BANF2: variants seen among roughly 807,000 people sequenced by gnomAD.
The protein encoded by BANF2 is barrier-to-autointegration factor-like protein.
Under a neutral mutation model 8.0 loss-of-function variants are expected in BANF2, and 4 were observed. The ratio of observed to expected loss-of-function variants is 0.50; its 90% CI spans 0.25 to 1.14. The LOEUF (loss-of-function observed/expected upper bound fraction) is 1.14. BANF2 is among the 50% of genes most tolerant of loss of function. BANF2 has a pLI of 0.16. For synonymous variants in BANF2, 50 were observed against 40.6 expected (o/e 1.23, Z -0.88); for missense variants, 96 against 107.5 (o/e 0.89, Z 0.47).
At chr20:17,710,019 C>T (rs1319053157) in intron 1 of BANF2, among the ~76,000 whole-genome samples, 1 of 152,256 alleles carries the variant, frequency 6.6e-6, no homozygotes, top group Admixed American at 6.5e-5. Flanking sequence ...TGAGCAGTTA[C>T]TGCCATGAGC....
chr20:17,719,874 G>A lies in BANF2; in HGVS notation c.-166-2842G>A, dbSNP rs373378534. On this transcript the variant is annotated intron_variant, in intron 1 of 3. Coordinates refer to ENST00000246090, the MANE Select transcript of BANF2 (RefSeq NM_178477.5). ...GCATGTGCCATATGGCAGCACAGACGCTGCAGATCCCCCCGCAAAGGCCCA... is the reference window on the plus strand; with the variant it reads ...GCATGTGCCATATGGCAGCACAGACACTGCAGATCCCCCCGCAAAGGCCCA... 3.3e-5 allele frequency among the ~76,000 whole-genome samples: 5 copies of A among 152,124 alleles called. No individual in the cohort carries two copies. The East Asian group carries it at 7.7e-4, about 24-fold the overall frequency.
At chr20:17,709,020 T>C (rs943866498) in intron 1 of BANF2, among the ~76,000 whole-genome samples, 1 of 152,236 alleles carries the variant, frequency 6.6e-6, no homozygotes, top group Non-Finnish European at 1.5e-5. Context: ...GATAATGCAA[T>C]CAATGAAAGC....
intron 1 of BANF2, among the ~76,000 whole-genome samples, chr20:17,707,919 G>A (rs779588551): frequency 3.8e-4 from 57 of 151,714 alleles, no homozygotes; most frequent in Non-Finnish European, 7.2e-4. Flanking sequence ...ACTTGACTAC[G>A]GGCTGGACAC....
At position 17,712,066 on chromosome 20, in the gene BANF2, G is replaced by A. The variant is rs562499737; in HGVS notation, c.-166-10650G>A. The A allele has an allele frequency of 2.6e-5, 4 of 152,710 alleles. No individual in the cohort carries two copies. In the South Asian group the frequency reaches 6.2e-4, roughly 24 times the overall value. 9.5% of individuals were successfully genotyped at this position (152,710 alleles called of 1,614,324 possible). A position where few individuals can be genotyped will look rare whatever the true frequency, so the allele number is the denominator to read the frequency against. ...GGAGAGGGGACTTTGAATACCCACG[G>A]AATCTGCAGGATGATGGCCTGAGCC... On this transcript the variant is annotated intron_variant, in intron 1 of 3. Transcript: ENST00000246090.
At chr20:17,703,298 A>G (rs1273275121) in intron 1 of BANF2, among the ~76,000 whole-genome samples, 1 of 152,152 alleles carries the variant, frequency 6.6e-6, no homozygotes, top group Non-Finnish European at 1.5e-5. Context: ...TCCCTGGATA[A>G]AAATCCCAGT....
At chr20:17,733,826 G>A (rs1260326795) in intron 3 of BANF2, among the ~76,000 whole-genome samples, 2 of 152,146 alleles carry the variant, frequency 1.3e-5, no homozygotes, top group African/African-American at 2.4e-5. Flanking sequence ...CAATGCTTGG[G>A]TATATTTTAT....
At chr20:17,708,925 T>C (rs2037527476) in intron 1 of BANF2, among the ~76,000 whole-genome samples, 1 of 152,234 alleles carries the variant, frequency 6.6e-6, no homozygotes, top group Admixed American at 6.5e-5. Context: ...ATGGCAAGCT[T>C]ATCTTCTGAT....
At chr20:17,723,664 A>T (rs2037763037) in intron 2 of BANF2, among the ~76,000 whole-genome samples, 1 of 152,230 alleles carries the variant, frequency 6.6e-6, no homozygotes, top group Admixed American at 6.5e-5. Flanking sequence ...GAGAAGAGAC[A>T]TTCAAGCGGA....
intron 3 of BANF2, among the ~76,000 whole-genome samples, chr20:17,731,759 GAA>G (rs58645809): frequency 0.55 from 51,333 of 93,968 alleles, 12,691 homozygotes; most frequent in Admixed American, 0.67. Flanking sequence ...CGTCTCTTAG[GAA>G]AAAAAAAAAA....
chr20:17,726,101 T>G (rs1173954114), intron 3 of BANF2, among the ~76,000 whole-genome samples: 2 of 152,202 alleles, frequency 1.3e-5, no homozygotes, highest in Admixed American at 1.3e-4. Flanking sequence ...TTGGGTAGAT[T>G]GGATTCTTTC....
intron 1 of BANF2, among the ~76,000 whole-genome samples, chr20:17,710,623 A>T (rs563833352): frequency 1.3e-5 from 2 of 152,046 alleles, no homozygotes; most frequent in Non-Finnish European, 2.9e-5. Context: ...CCTTCTTTCC[A>T]TGTGAGCAGG....
intron 1 of BANF2, among the ~76,000 whole-genome samples, chr20:17,713,455 T>C (rs1012021759): frequency 6.6e-6 from 1 of 151,400 alleles, no homozygotes; most frequent in African/African-American, 2.4e-5. Flanking sequence ...AAATGGGGAG[T>C]TGTTTATTGG....
chr20:17,718,047 A>G (rs564885104), intron 1 of BANF2, among the ~76,000 whole-genome samples: 2 of 152,390 alleles, frequency 1.3e-5, no homozygotes, highest in Admixed American at 6.5e-5. Context: ...CAATTGAAAT[A>G]ACATATTACA....
intron 1 of BANF2, among the ~76,000 whole-genome samples, chr20:17,705,426 C>T (rs937625940): frequency 6.6e-6 from 1 of 152,148 alleles, no homozygotes; most frequent in Non-Finnish European, 1.5e-5. Context: ...CAGGGGCTGT[C>T]GAATTAAAGA....
intron 1 of BANF2, among the ~76,000 whole-genome samples, chr20:17,708,742 TAAG>T (rs908342370): frequency 4.6e-5 from 7 of 152,224 alleles, no homozygotes; most frequent in African/African-American, 1.7e-4. Flanking sequence ...TGGCTGATTT[TAAG>T]AAGATCATTG....
intron 3 of BANF2, among the ~76,000 whole-genome samples, chr20:17,730,333 G>T (rs2037874381): frequency 1.3e-5 from 2 of 152,160 alleles, no homozygotes; most frequent in Admixed American, 1.3e-4. Context: ...TAGGCTGCAG[G>T]GTCTGGACAC....
At chr20:17,713,676 T>C (rs2037609724) in intron 1 of BANF2, among the ~76,000 whole-genome samples, 1 of 150,382 alleles carries the variant, frequency 6.6e-6, no homozygotes, top group South Asian at 2.1e-4. Flanking sequence ...TTTACAAAAA[T>C]ATTAAAAAAT....
At chr20:17,730,713 T>A (rs1479336797) in intron 3 of BANF2, among the ~76,000 whole-genome samples, 1 of 152,202 alleles carries the variant, frequency 6.6e-6, no homozygotes, top group Non-Finnish European at 1.5e-5. Context: ...CCTGCCTCCA[T>A]CATGTCCCCA....
chr20:17,723,442 A>T (rs1203999079), intron 2 of BANF2, among the ~76,000 whole-genome samples: 1 of 152,202 alleles, frequency 6.6e-6, no homozygotes, highest in Non-Finnish European at 1.5e-5. Flanking sequence ...GAGTCGAGAG[A>T]GCTGCCGGGA....
Sources: allele counts gnomAD v4.1 joint callset (sites outside exome capture counted in the v4.1 genomes callset), GRCh38; gene constraint gnomAD v4.1.1; transcripts MANE v1.5; gene names NCBI Gene and HGNC (gene_info 2026-07-23, HGNC 2026-07-21).